The following PDZRN4 variants were observed in gnomAD, a reference collection of about 807,000 sequenced individuals.
PDZRN4 encodes the protein PDZ domain containing ring finger 4.
A neutral mutation model predicts 99.0 loss-of-function variants in PDZRN4; 70 were observed. That is an observed-to-expected ratio of 0.71 (90% confidence interval 0.58 to 0.86). The LOEUF is 0.86. Among genes scored for constraint, PDZRN4 ranks in the 40% least tolerant of loss-of-function variants. PDZRN4 has a pLI of 0.00. For missense variants in PDZRN4, 1,474 were observed against 1,331.2 expected, an observed-to-expected ratio of 1.11 and a Z score of -1.67; for synonymous variants, 551 against 501.6, an observed-to-expected ratio of 1.10 and a Z score of -1.32.
At chr12:41,565,119 A>G (rs78380350) in intron 8 of PDZRN4, among the ~76,000 whole-genome samples, 9,615 of 152,278 alleles carry the variant, frequency 0.063, 365 homozygotes, top group South Asian at 0.15. Context: ...GGGTAGAACC[A>G]GTGGAAAATT....
At position 41,572,795 on chromosome 12, in the gene PDZRN4, A is replaced by T. The variant is rs777286168; in HGVS notation, c.2016A>T (p.Glu672Asp). 1 of 1,614,184 alleles carries T rather than the reference A, an allele frequency of 6.2e-7. No homozygotes were observed. The highest frequency in any genetic ancestry group is 1.7e-5 in the Admixed American group (1 of 60,028). The part of the protein sequence containing the change: ...VEHELQLLNE[E>D]LRNIELECQN... ...ATGAGCTACAGTTGCTTAATGAAGA[A>T]CTGAGAAACATTGAGCTTGAGTGTC... Residue 672 changes from glutamate (E) to aspartate (D), a missense_variant, in exon 10 of 10, where the codon GAA (glutamate) becomes GAT (aspartate). Transcript: ENST00000402685.
At chr12:41,242,181 T>C (rs1468590996) in intron 3 of PDZRN4, among the ~76,000 whole-genome samples, 1 of 152,240 alleles carries the variant, frequency 6.6e-6, no homozygotes, top group Non-Finnish European at 1.5e-5. Context: ...ACAGGTCATA[T>C]GGAAATAAAA....
At chr12:41,484,258 ATC>A (rs1937732053) in intron 3 of PDZRN4, among the ~76,000 whole-genome samples, 1 of 152,196 alleles carries the variant, frequency 6.6e-6, no homozygotes, top group Admixed American at 6.5e-5. Flanking sequence ...ATCAAAGTAA[ATC>A]TATGTGAATT....
chr12:41,539,632 G>A (rs1938813078), intron 5 of PDZRN4, among the ~76,000 whole-genome samples: 1 of 152,096 alleles, frequency 6.6e-6, no homozygotes, highest in South Asian at 2.1e-4. Context: ...TCCTGCTTCA[G>A]TAACCAGCTG....
intron 3 of PDZRN4, among the ~76,000 whole-genome samples, chr12:41,254,150 T>C (rs1294385497): frequency 1.3e-5 from 2 of 152,034 alleles, no homozygotes; most frequent in African/African-American, 4.8e-5. Flanking sequence ...TAAATATATA[T>C]ATAAAGTAAA....
At chr12:41,438,388 G>A (rs951013063) in intron 3 of PDZRN4, among the ~76,000 whole-genome samples, 1 of 152,130 alleles carries the variant, frequency 6.6e-6, no homozygotes, top group Non-Finnish European at 1.5e-5. Flanking sequence ...GGTTTAATGG[G>A]TCTATGATCT....
At chr12:41,497,159 T>C (rs1938021961) in intron 3 of PDZRN4, among the ~76,000 whole-genome samples, 1 of 152,102 alleles carries the variant, frequency 6.6e-6, no homozygotes, top group South Asian at 2.1e-4. Flanking sequence ...ACAAAAAAGA[T>C]CTTGTCCAAG....
At chr12:41,504,790 C>A (rs1481658486) in intron 3 of PDZRN4, among the ~76,000 whole-genome samples, 1 of 151,962 alleles carries the variant, frequency 6.6e-6, no homozygotes, top group Non-Finnish European at 1.5e-5. Context: ...AAGTTTAGTT[C>A]ATGAAAAAAA....
chr12:41,255,366 C>A (rs547180998), intron 3 of PDZRN4, among the ~76,000 whole-genome samples: 1 of 152,170 alleles, frequency 6.6e-6, no homozygotes, highest in African/African-American at 2.4e-5. Context: ...TAAACTGGGG[C>A]TGTTCATGGC....
chr12:41,483,498 A>G (rs1170889960), intron 3 of PDZRN4, among the ~76,000 whole-genome samples: 2 of 152,144 alleles, frequency 1.3e-5, no homozygotes, highest in Admixed American at 6.6e-5. Flanking sequence ...TCCCCACCCC[A>G]TGTAGGGAGC....
chr12:41,420,889 G>T (rs905292677), intron 3 of PDZRN4, among the ~76,000 whole-genome samples: 4 of 152,072 alleles, frequency 2.6e-5, no homozygotes, highest in African/African-American at 7.2e-5. Context: ...TTTGTTCTGA[G>T]AAGCACCTCA....
At chr12:41,219,475 T>G (rs1011204811) in intron 3 of PDZRN4, among the ~76,000 whole-genome samples, 1 of 152,116 alleles carries the variant, frequency 6.6e-6, no homozygotes, top group Admixed American at 6.6e-5. Flanking sequence ...GCTCTAGAAG[T>G]TGAAATGAGA....
chr12:41,304,195 A>G (rs1418622816), intron 3 of PDZRN4, among the ~76,000 whole-genome samples: 1 of 152,186 alleles, frequency 6.6e-6, no homozygotes, highest in African/African-American at 2.4e-5. Flanking sequence ...TCGAGTTTAC[A>G]AAGTGCTTTC....
At chr12:41,350,618 C>T (rs1951883224) in intron 3 of PDZRN4, among the ~76,000 whole-genome samples, 1 of 151,960 alleles carries the variant, frequency 6.6e-6, no homozygotes, top group African/African-American at 2.4e-5. Flanking sequence ...AATATGAGTG[C>T]CTGATTTTCA....
At chr12:41,311,201 A>C (rs1416844326) in intron 3 of PDZRN4, among the ~76,000 whole-genome samples, 2 of 152,174 alleles carry the variant, frequency 1.3e-5, no homozygotes, top group Non-Finnish European at 2.9e-5. Context: ...GGTTTTAATA[A>C]ATTGTTTAAA....
chr12:41,196,000 T>C (rs1191722710), intron 3 of PDZRN4, among the ~76,000 whole-genome samples: 2 of 152,134 alleles, frequency 1.3e-5, no homozygotes, highest in Non-Finnish European at 2.9e-5. Flanking sequence ...AAATAACTTA[T>C]TCTAGCTAGA....
intron 3 of PDZRN4, among the ~76,000 whole-genome samples, chr12:41,390,562 C>CAAAAAG (rs1952203190): frequency 9.9e-6 from 1 of 101,368 alleles, no homozygotes; most frequent in Admixed American, 1.1e-4. Context: ...AACTCCTAAG[C>CAAAAAG]AAAAAAAAAA....
At chr12:41,255,096 G>A (rs986754190) in intron 3 of PDZRN4, among the ~76,000 whole-genome samples, 1 of 152,078 alleles carries the variant, frequency 6.6e-6, no homozygotes, top group African/African-American at 2.4e-5. Context: ...GAAAGAGTTG[G>A]CTCCCTGGGT....
intron 3 of PDZRN4, among the ~76,000 whole-genome samples, chr12:41,293,409 T>C (rs1387281154): frequency 6.6e-6 from 1 of 151,610 alleles, no homozygotes; most frequent in Non-Finnish European, 1.5e-5. Context: ...TCCATCCTTT[T>C]CTGGCTCTCC....
Sources: gnomAD v4.1 joint callset for allele counts (sites outside exome capture counted in the v4.1 genomes callset) on GRCh38, gnomAD v4.1.1 for gene constraint, MANE v1.5 for transcripts, NCBI Gene and HGNC (gene_info 2026-07-23, HGNC 2026-07-21) for gene names.